SLC24A4: variants seen among roughly 807,000 people sequenced by gnomAD.
SLC24A4 encodes sodium/potassium/calcium exchanger 4.
SLC24A4 carries 53 observed loss-of-function variants against 79.0 expected under a neutral mutation model. The ratio of observed to expected loss-of-function variants is 0.67; its 90% CI spans 0.54 to 0.84. SLC24A4 has a LOEUF of 0.84. SLC24A4 is among the 40% of genes least tolerant of loss of function. The probability of loss-of-function intolerance (pLI) is 0.00; values close to 1 mark genes in which losing one functional copy is unlikely to be tolerated. For missense variants in SLC24A4, 731 were observed against 822.0 expected, an observed-to-expected ratio of 0.89 and a Z score of 1.35; for synonymous variants, 323 against 323.8, an observed-to-expected ratio of 1.00 and a Z score of 0.03.
chr14:92,337,354 A>G (rs572671988), intron 2 of SLC24A4, among the ~76,000 whole-genome samples: 1 of 152,276 alleles, frequency 6.6e-6, no homozygotes, highest in East Asian at 1.9e-4. Context: ...CCTTGGCTCT[A>G]GAGGTGAGAC....
intron 2 of SLC24A4, among the ~76,000 whole-genome samples, chr14:92,401,546 A>G (rs1302138929): frequency 6.6e-6 from 1 of 152,182 alleles, no homozygotes. Flanking sequence ...CATGTGCCTA[A>G]GAGTCATGCA....
At chr14:92,465,737 G>C (rs941543175) in intron 12 of SLC24A4, among the ~76,000 whole-genome samples, 3 of 150,418 alleles carry the variant, frequency 2.0e-5, no homozygotes, top group Non-Finnish European at 4.4e-5. Flanking sequence ...CCTCCCCTAG[G>C]AAGGCCCCCT....
Position 92,497,548 on chromosome 14 carries a change from CT to C in SLC24A4, c.*3921del, listed in dbSNP as rs1299683857. The C allele has an allele frequency of 2.0e-5, 3 of 152,312 alleles. No homozygotes were observed. Among genetic ancestry groups the C allele is most frequent in the African/African-American group, 4.8e-5 (2 of 41,450 alleles). The allele number at this position is 152,312 out of a possible 1,614,324, so 9.4% of individuals were successfully genotyped here. A position where few individuals can be genotyped will look rare whatever the true frequency, so the allele number is the denominator to read the frequency against. On this transcript the variant is annotated 3_prime_UTR_variant, in exon 17 of 17. Transcript: ENST00000532405. ...AGGAGAGGATCAGAGTTCATCCCCC[CT>C]GGGAAAGAGCAAGAGCGAATGAATC... is the stretch of plus-strand genomic sequence containing the variant.
intron 2 of SLC24A4, among the ~76,000 whole-genome samples, chr14:92,407,739 C>G (rs1203701262): frequency 6.6e-6 from 1 of 152,102 alleles, no homozygotes; most frequent in Non-Finnish European, 1.5e-5. Context: ...GAAATCTGCC[C>G]CTGTGATCCA....
At chr14:92,408,202 T>TGTGTGTGTGTGTGTGTG (rs33968349) in intron 2 of SLC24A4, among the ~76,000 whole-genome samples, 37 of 151,534 alleles carry the variant, frequency 2.4e-4, no homozygotes, top group East Asian at 7.8e-4. Flanking sequence ...TGTGTGTGTG[T>TGTGTGTGTGTGTGTGTG]TTCACATCCA....
chr14:92,341,311 T>C (rs1310784534), intron 2 of SLC24A4, among the ~76,000 whole-genome samples: 1 of 152,154 alleles, frequency 6.6e-6, no homozygotes, highest in Non-Finnish European at 1.5e-5. Flanking sequence ...GAGAGGATGC[T>C]CAGGGAAGGC....
intron 2 of SLC24A4, among the ~76,000 whole-genome samples, chr14:92,420,652 C>T (rs981842496): frequency 3.3e-5 from 5 of 152,188 alleles, no homozygotes; most frequent in South Asian, 2.1e-4. Flanking sequence ...TGTCAAGGTG[C>T]GTCCCAGGGA....
chr14:92,325,209 G>T (rs1885058434), intron 1 of SLC24A4, among the ~76,000 whole-genome samples: 1 of 152,326 alleles, frequency 6.6e-6, no homozygotes, highest in Middle Eastern at 3.4e-3. Context: ...ATACTCTGAA[G>T]GTCTTAAAGT....
intron 12 of SLC24A4, chr14:92,462,728 T>G (rs1893886160): frequency 6.6e-6 from 1 of 152,166 alleles, no homozygotes; most frequent in African/African-American, 2.4e-5. Context: ...CATTAAGTCA[T>G]TAAACCCATT....
intron 2 of SLC24A4, among the ~76,000 whole-genome samples, chr14:92,396,006 A>G (rs1323410279): frequency 6.6e-6 from 1 of 152,078 alleles, no homozygotes; most frequent in African/African-American, 2.4e-5. Context: ...TTGTATTTTT[A>G]GTAGAAACAG....
chr14:92,474,340 C>T (rs138607222), intron 12 of SLC24A4, among the ~76,000 whole-genome samples: 88 of 152,286 alleles, frequency 5.8e-4, no homozygotes, highest in Middle Eastern at 3.4e-3. Context: ...GAGCTCTGCT[C>T]TCTTCCAGAG....
At chr14:92,400,702 G>A (rs1037240394) in intron 2 of SLC24A4, among the ~76,000 whole-genome samples, 1 of 152,154 alleles carries the variant, frequency 6.6e-6, no homozygotes, top group African/African-American at 2.4e-5. Context: ...GTAATTAGCT[G>A]CAATGATAGG....
intron 2 of SLC24A4, among the ~76,000 whole-genome samples, chr14:92,367,912 G>C (rs187682893): frequency 6.6e-6 from 1 of 152,326 alleles, no homozygotes; most frequent in Non-Finnish European, 1.5e-5. Flanking sequence ...AGGCAACGTG[G>C]AGAAACAGAA....
chr14:92,357,728 G>A (rs1250728606), intron 2 of SLC24A4, among the ~76,000 whole-genome samples: 2 of 152,188 alleles, frequency 1.3e-5, no homozygotes, highest in Admixed American at 6.5e-5. Context: ...ACAGAGTTTC[G>A]GTTTGGGAAG....
chr14:92,482,240 CTGGATG>C (rs1895102948), intron 12 of SLC24A4, among the ~76,000 whole-genome samples: 1 of 152,232 alleles, frequency 6.6e-6, no homozygotes, highest in Non-Finnish European at 1.5e-5. Flanking sequence ...ATGGCAAATG[CTGGATG>C]TGTTGATTAT....
chr14:92,420,820 G>A (rs372443339), intron 2 of SLC24A4, among the ~76,000 whole-genome samples: 15 of 53,054 alleles, frequency 2.8e-4, no homozygotes, highest in African/African-American at 7.3e-4. Context: ...ATTTTTTCAC[G>A]GGGGGGGCCT....
chr14:92,484,374 A>G, intron 13 of SLC24A4: 1 of 985,270 alleles, frequency 1.0e-6, no homozygotes. Context: ...AGCCTCCCCA[A>G]GACACCAGCT....
At chr14:92,341,499 G>A (rs1171596615) in intron 2 of SLC24A4, among the ~76,000 whole-genome samples, 1 of 152,182 alleles carries the variant, frequency 6.6e-6, no homozygotes, top group Non-Finnish European at 1.5e-5. Flanking sequence ...AACAAAGATC[G>A]GAGCAGCTAA....
Position 92,325,903 on chromosome 14 carries a change from C to G in SLC24A4, c.166C>G (p.Pro56Ala). ...KTASASKRVL[P>A]DTWRNRKLMA... ...AGCTTCTGCTAGCAAACGTGTCCTG[C>G]CAGACACGTGGAGAAATAGAAAGTT... is the stretch of plus-strand genomic sequence containing the variant. The change falls in exon 2 of 17, where the codon CCA (proline) becomes GCA (alanine). Residue 56 changes from proline (P) to alanine (A), a missense_variant. By Grantham distance (27) the Pro-to-Ala change is conservative (BLOSUM62 -1). Transcript: ENST00000532405. The G allele has an allele frequency of 6.2e-7, 1 of 1,612,020 alleles. No individual in the cohort carries two copies. Among genetic ancestry groups the G allele is most frequent in the South Asian group, 1.1e-5 (1 of 90,598 alleles).
Sources: gnomAD v4.1 joint callset for allele counts (sites outside exome capture counted in the v4.1 genomes callset) on GRCh38, gnomAD v4.1.1 for gene constraint, MANE v1.5 for transcripts, NCBI Gene and HGNC (gene_info 2026-07-23, HGNC 2026-07-21) for gene names.